The following CD163L1 variants were observed in gnomAD, a reference collection of about 807,000 sequenced individuals.
CD163L1 encodes the protein CD163 molecule like 1.
In CD163L1, 124 loss-of-function variants were observed where a neutral mutation model predicts 165.4. The ratio of observed to expected loss-of-function variants is 0.75; its 90% confidence interval spans 0.65 to 0.87. CD163L1 has a LOEUF of 0.87. Among genes scored for constraint, CD163L1 ranks in the 40% least tolerant of loss-of-function variants. The probability of loss-of-function intolerance (pLI) is 0.00; values close to 1 mark genes in which losing one functional copy is unlikely to be tolerated. For missense variants in CD163L1, 1,525 were observed against 1,799.9 expected, an observed-to-expected ratio of 0.85 and a Z score of 2.76; for synonymous variants, 585 against 662.2, an observed-to-expected ratio of 0.88 and a Z score of 1.79.
At chr12:7,318,933 A>G in the CD163L1 span, among the ~76,000 whole-genome samples, 153 of 152,344 alleles carry the variant, frequency 1.0e-3, no homozygotes, top group African/African-American at 2.9e-3. Flanking sequence ...CAGGGACTGG[A>G]TTCGTGGAAG....
chr12:7,438,777 C>G (rs917549415), intron 2 of CD163L1: 1 of 1,459,496 alleles, frequency 6.9e-7, no homozygotes, highest in Non-Finnish European at 9.3e-7. Context: ...GTGGCCCTTA[C>G]CTCCTCGGCT....
chr12:7,425,688 T>C (rs1948528844), intron 4 of CD163L1, among the ~76,000 whole-genome samples: 1 of 151,870 alleles, frequency 6.6e-6, no homozygotes. Context: ...AGACATTATG[T>C]TGGCCACATA....
the CD163L1 span, among the ~76,000 whole-genome samples, chr12:7,337,641 G>A: frequency 6.6e-6 from 1 of 152,158 alleles, no homozygotes; most frequent in South Asian, 2.1e-4. Context: ...CAGTTAGAAT[G>A]GTGATCATTA....
At chr12:7,424,563 G>A (rs766156938) in intron 4 of CD163L1, among the ~76,000 whole-genome samples, 2 of 152,264 alleles carry the variant, frequency 1.3e-5, no homozygotes, top group South Asian at 2.1e-4. Context: ...GTTTGCAGAT[G>A]ACATGATTGT....
Position 7,398,175 on chromosome 12 carries a change from C to T in CD163L1, c.1729+89G>A. On this transcript the variant is annotated intron_variant, in intron 7 of 19. Coordinates refer to ENST00000313599, the MANE Select transcript of CD163L1 (RefSeq NM_174941.6). The surrounding 1 kb of genome is among the most constrained non-coding windows in gnomAD (Gnocchi z 4.5). ...GTCATGGCCCCTCAATCAATTCCCACATGTAAGCCAGTTTATAGACCCAGA... is the reference window on the plus strand; with the variant it reads ...GTCATGGCCCCTCAATCAATTCCCATATGTAAGCCAGTTTATAGACCCAGA... 1.7e-6 allele frequency: 2 copies of T among 1,196,698 alleles called. No individual in the cohort carries two copies. Among genetic ancestry groups the T allele is most frequent in the Non-Finnish European group, 2.4e-6 (2 of 847,572 alleles). 74.1% of individuals were successfully genotyped at this position (1,196,698 alleles called of 1,614,324 possible). A position where few individuals can be genotyped will look rare whatever the true frequency, so the allele number is the denominator to read the frequency against.
In CD163L1 at chr12:7,372,891, A is replaced by G. The variant is rs1239127325; in HGVS notation, c.3730+429T>C. On this transcript the variant is annotated intron_variant, in intron 14 of 19. Coordinates refer to ENST00000313599, the MANE Select transcript of CD163L1 (RefSeq NM_174941.6). The surrounding 1 kb of genome is among the most constrained non-coding windows in gnomAD (Gnocchi z 4.2). ...ACAATTTACAAGTGTCTTATAAATA[A>G]TCAACTAACTTCCCATAGTAAAATG... Among the ~76,000 whole-genome samples, 2 of 152,162 alleles carry G rather than the reference A, an allele frequency of 1.3e-5. No homozygotes were observed. The highest frequency in any genetic ancestry group is 3.8e-4 in the East Asian group (2 of 5,198).
chr12:7,441,060 C>T (rs1948825380), intron 2 of CD163L1, 94 bp downstream of exon 2: 1 of 827,450 alleles, frequency 1.2e-6, no homozygotes, highest in Admixed American at 2.1e-5. Flanking sequence ...TTTACATGTT[C>T]TATTTCCCTC....
intron 8 of CD163L1, among the ~76,000 whole-genome samples, chr12:7,380,335 A>ACGTATATATACATGTATGTGTGTATACG (rs1947362479): frequency 1.8e-5 from 2 of 112,386 alleles, no homozygotes; most frequent in African/African-American, 6.7e-5. Flanking sequence ...GTATGTATAC[A>ACGTATATATACATGTATGTGTGTATACG]CGTATACATA....
At chr12:7,365,804 C>A (rs1414449905) in intron 18 of CD163L1, among the ~76,000 whole-genome samples, 1 of 151,922 alleles carries the variant, frequency 6.6e-6, no homozygotes, top group Non-Finnish European at 1.5e-5. Context: ...CCTCATACAC[C>A]ATTGACAGGA....
At chr12:7,342,595 A>G (rs748931360), downstream of CD163L1, among the ~76,000 whole-genome samples, 7 of 152,074 alleles carry the variant, frequency 4.6e-5, no homozygotes, top group South Asian at 2.1e-4. Flanking sequence ...GGTCTCCCCA[A>G]CCGAGCTGGT....
rs765682224 is a variant in CD163L1, at chr12:7,433,374, C to CG, written c.444_445insC (p.Gly149ArgfsTer2). 5.1e-6 allele frequency: 8 copies of CG among 1,581,628 alleles called. No individual in the cohort carries two copies. The highest frequency in any genetic ancestry group is 8.6e-7 in the Non-Finnish European group (1 of 1,163,084). On this transcript the variant is annotated frameshift_variant and splice_region_variant, in exon 3 of 20. Coordinates refer to ENST00000313599, the MANE Select transcript of CD163L1 (RefSeq NM_174941.6). LOFTEE classifies it high-confidence loss of function. ...CTTCCTACTCTAGTTAGACTCTTAC[C>CG]ATAACAGTTCACACCAACATCTTCT...
chr12:7,421,383 A>T (rs1185339349), intron 4 of CD163L1, among the ~76,000 whole-genome samples: 13 of 94,538 alleles, frequency 1.4e-4, no homozygotes, highest in East Asian at 1.2e-3. Context: ...ATACATTTGG[A>T]AGATATATAT....
intron 8 of CD163L1, among the ~76,000 whole-genome samples, chr12:7,389,418 C>T (rs1381578713): frequency 2.6e-5 from 4 of 152,108 alleles, no homozygotes; most frequent in South Asian, 2.1e-4. Context: ...TACAGGAAGG[C>T]AAACATCGCA....
chr12:7,439,866 G>A, intron 2 of CD163L1: 1 of 1,611,092 alleles, frequency 6.2e-7, no homozygotes, highest in Non-Finnish European at 8.5e-7. Flanking sequence ...CTCCTCTCGC[G>A]GCTGCGTCAT....
At chr12:7,421,775 TCTTC>T (rs1948445170) in intron 4 of CD163L1, among the ~76,000 whole-genome samples, 1 of 112,598 alleles carries the variant, frequency 8.9e-6, no homozygotes, top group African/African-American at 3.9e-5. Context: ...ATATATTTTT[TCTTC>T]TAAGTGAAGT....
At chr12:7,348,834 A>C (rs1199312471) in intron 4 of CD163L1, among the ~76,000 whole-genome samples, 1 of 150,034 alleles carries the variant, frequency 6.7e-6, no homozygotes, top group Non-Finnish European at 1.5e-5. Context: ...TTTTCAAAAT[A>C]AATGTTTTTC....
At chr12:7,385,620 G>A (rs1349201171) in intron 8 of CD163L1, among the ~76,000 whole-genome samples, 1 of 151,896 alleles carries the variant, frequency 6.6e-6, no homozygotes, top group South Asian at 2.1e-4. Context: ...CACAAAACAA[G>A]TCTCAACAAA....
At chr12:7,324,210 T>C in the CD163L1 span, 1 of 1,578,236 alleles carries the variant, frequency 6.3e-7, no homozygotes, top group Non-Finnish European at 8.6e-7. Context: ...AGTCACTTAA[T>C]GAGTGCCATA....
At chr12:7,397,080 G>A (rs1010420239) in intron 7 of CD163L1, among the ~76,000 whole-genome samples, 3 of 151,984 alleles carry the variant, frequency 2.0e-5, no homozygotes, top group African/African-American at 7.3e-5. Flanking sequence ...TAGTAAAGAG[G>A]GCACTGATAA....
Sources: gnomAD v4.1 joint callset for allele counts (sites outside exome capture counted in the v4.1 genomes callset) on GRCh38, gnomAD v4.1.1 for gene constraint, Gnocchi (gnomAD v3.1) non-coding constraint, MANE v1.5 for transcripts, NCBI Gene and HGNC (gene_info 2026-07-23, HGNC 2026-07-21) for gene names.